Variants in DPH6 observed in about 807,000 individuals in gnomAD.
DPH6 encodes the protein diphthine--ammonia ligase.
DPH6 carries 33 observed loss-of-function variants against 38.2 expected under a neutral mutation model. The observed-to-expected ratio is 0.86, with a 90% confidence interval of 0.65 to 1.15. The LOEUF is 1.15. Among genes scored for constraint, DPH6 ranks in the 50% most tolerant of loss-of-function variants. The probability of loss-of-function intolerance (pLI) is 0.00; values close to 1 mark genes in which losing one functional copy is unlikely to be tolerated. For missense variants in DPH6, 325 were observed against 320.0 expected (o/e 1.02, Z -0.12); for synonymous variants, 108 against 103.0 (o/e 1.05, Z -0.30).
chr15:35,194,044 T>G, the DPH6 span, among the ~76,000 whole-genome samples: 1 of 152,142 alleles, frequency 6.6e-6, no homozygotes, highest in Non-Finnish European at 1.5e-5. Context: ...TAATATAACA[T>G]GATTCAAATG....
At chr15:35,262,941 T>C (rs2051759088) in intron 3 of DPH6, among the ~76,000 whole-genome samples, 1 of 152,036 alleles carries the variant, frequency 6.6e-6, no homozygotes, top group African/African-American at 2.4e-5. Flanking sequence ...TTACAAATAA[T>C]TAGAAAATTA....
chr15:35,412,433 A>G (rs1489166423), intron 5 of DPH6, among the ~76,000 whole-genome samples: 1 of 151,716 alleles, frequency 6.6e-6, no homozygotes, highest in East Asian at 1.9e-4. Context: ...GGTTCTTACA[A>G]AACTGAACAT....
At chr15:35,386,507 T>G (rs531231639) in intron 6 of DPH6, among the ~76,000 whole-genome samples, 1 of 152,312 alleles carries the variant, frequency 6.6e-6, no homozygotes, top group South Asian at 2.1e-4. Flanking sequence ...CCAGCACCTG[T>G]TGTTTCCTGA....
At chr15:35,483,486 A>C (rs575343886) in intron 3 of DPH6, among the ~76,000 whole-genome samples, 23 of 151,098 alleles carry the variant, frequency 1.5e-4, no homozygotes, top group South Asian at 6.3e-4. Context: ...AAAAAAAAAA[A>C]CCAAAAAAAC....
intron 3 of DPH6, among the ~76,000 whole-genome samples, chr15:35,483,611 T>A (rs1337725951): frequency 6.6e-6 from 1 of 152,138 alleles, no homozygotes; most frequent in Non-Finnish European, 1.5e-5. Flanking sequence ...GGAAATTTAA[T>A]ATGGTACAGT....
chr15:35,262,071 C>T (rs2589536), intron 3 of DPH6, among the ~76,000 whole-genome samples: 83,736 of 151,964 alleles, frequency 0.55, 24,525 homozygotes, highest in East Asian at 0.68. Flanking sequence ...TTTACTACTT[C>T]GGGAGTTCTG....
chr15:35,335,047 C>T (rs1227419089), intron 3 of DPH6, among the ~76,000 whole-genome samples: 6 of 152,192 alleles, frequency 3.9e-5, no homozygotes, highest in African/African-American at 1.2e-4. Context: ...TTTTTCTCCA[C>T]AACCTTGCCA....
Position 35,229,837 on chromosome 15 carries a change from G to A in DPH6, n.201-9255C>T, listed in dbSNP as rs1335970802. Among the ~76,000 whole-genome samples the A allele has an allele frequency of 5.3e-5, 8 of 152,330 alleles. No individual in the cohort carries two copies. In the East Asian group the frequency reaches 1.3e-3, roughly 26 times the overall value. ...GGACAAGATCCAGGAGAATTCTCTG[G>A]ATTACCAGATAAAAACTCTTTGTTC... On this transcript the variant is annotated intron_variant and non_coding_transcript_variant, in intron 3 of 3. Transcript: ENST00000560386.
At chr15:35,355,477 C>T (rs1025933926) in intron 3 of DPH6, among the ~76,000 whole-genome samples, 1 of 152,160 alleles carries the variant, frequency 6.6e-6, no homozygotes, top group Admixed American at 6.5e-5. Flanking sequence ...TTAGGGCAGA[C>T]CTGGTGGTGA....
the DPH6 span, among the ~76,000 whole-genome samples, chr15:35,163,255 C>T: frequency 6.6e-6 from 1 of 151,776 alleles, no homozygotes; most frequent in South Asian, 2.1e-4. Flanking sequence ...TTTAACCTTC[C>T]ATAGAGCCCA....
downstream of DPH6, among the ~76,000 whole-genome samples, chr15:35,214,038 C>CGAGACAGAGCTTGCAGT (rs1384619059): frequency 4.0e-5 from 6 of 150,690 alleles, no homozygotes; most frequent in African/African-American, 1.5e-4. Flanking sequence ...CGTGAACCCG[C>CGAGACAGAGCTTGCAGT]GAGACAGAGC....
the DPH6 span, among the ~76,000 whole-genome samples, chr15:35,195,339 C>G: frequency 2.6e-5 from 4 of 152,046 alleles, no homozygotes; most frequent in Non-Finnish European, 4.4e-5. Context: ...AGGTTGATTC[C>G]CTATTTTGGC....
chr15:35,469,747 T>A (rs1373026418), intron 3 of DPH6, among the ~76,000 whole-genome samples: 1 of 152,062 alleles, frequency 6.6e-6, no homozygotes, highest in African/African-American at 2.4e-5. Context: ...AAAACAGGAA[T>A]AATCAGGTAA....
intron 3 of DPH6, chr15:35,490,204 G>A (rs1191285860): frequency 1.0e-6 from 1 of 984,710 alleles, no homozygotes; most frequent in Non-Finnish European, 1.2e-6. Flanking sequence ...CTTCCTAAAG[G>A]AAGAAAGGAA....
rs1456773436 is a variant in DPH6 at position 35,496,562 on chromosome 15, A to AT, written c.312+41711_312+41712insA. 7.2e-3 allele frequency among the ~76,000 whole-genome samples: 686 copies of AT among 95,620 alleles called. 3 individuals carry two copies. The highest frequency in any genetic ancestry group is 0.012 in the Non-Finnish European group (579 of 48,786). 62.7% of individuals were successfully genotyped at this position (95,620 alleles called of 152,430 possible). ...AAGACGAAAGTTCCATCTCAAAAAA[A>AT]AAAAAATATATATATATATATATAT... is the stretch of plus-strand genomic sequence containing the variant. On this transcript the variant is annotated intron_variant, in intron 3 of 8. Coordinates refer to ENST00000256538, the MANE Select transcript of DPH6 (RefSeq NM_080650.4).
intron 3 of DPH6, among the ~76,000 whole-genome samples, chr15:35,466,308 A>G (rs570037013): frequency 6.6e-6 from 1 of 152,322 alleles, no homozygotes; most frequent in East Asian, 1.9e-4. Flanking sequence ...AAATAAGGAA[A>G]AAAGTATATG....
At chr15:35,240,384 G>A (rs897151411) in intron 3 of DPH6, among the ~76,000 whole-genome samples, 7 of 141,984 alleles carry the variant, frequency 4.9e-5, no homozygotes, top group Non-Finnish European at 1.1e-4. Flanking sequence ...TGTCCCCTCA[G>A]TCCCAACCCC....
chr15:35,282,151 T>C (rs2051903348), intron 3 of DPH6, among the ~76,000 whole-genome samples: 1 of 152,186 alleles, frequency 6.6e-6, no homozygotes. Context: ...TTCTACATGA[T>C]TCAGCTTCTG....
At chr15:35,184,544 TA>T in the DPH6 span, among the ~76,000 whole-genome samples, 77 of 145,610 alleles carry the variant, frequency 5.3e-4, no homozygotes, top group Admixed American at 5.5e-4. Context: ...GACGTTGACC[TA>T]AAAAAAAAAA....
Sources: allele counts gnomAD v4.1 joint callset (sites outside exome capture counted in the v4.1 genomes callset), GRCh38; gene constraint gnomAD v4.1.1; transcripts MANE v1.5; gene names NCBI Gene and HGNC (gene_info 2026-07-23, HGNC 2026-07-21).